Variants in LRMDA observed in about 807,000 individuals in gnomAD.
LRMDA encodes the protein leucine-rich melanocyte differentiation-associated protein.
Under a neutral mutation model 29.8 loss-of-function variants are expected in LRMDA, and 18 were observed. That is an observed-to-expected ratio of 0.60 (90% confidence interval 0.42 to 0.90). LRMDA has a LOEUF of 0.90. Ranked by LOEUF, LRMDA falls within the 40% of genes least tolerant of loss-of-function variation. LRMDA has a pLI of 0.00. For synonymous variants in LRMDA, 125 were observed against 109.4 expected (o/e 1.14, Z -0.89); for missense variants, 273 against 273.9 (o/e 1.00, Z 0.02).
intron 5 of LRMDA, among the ~76,000 whole-genome samples, chr10:76,115,890 C>A (rs1449836574): frequency 6.6e-6 from 1 of 152,088 alleles, no homozygotes; most frequent in Non-Finnish European, 1.5e-5. Flanking sequence ...GGCGACCTTT[C>A]TCTGATCCAA....
At position 76,272,864 on chromosome 10, in the gene LRMDA, T is replaced by C. The variant is rs117734359; in HGVS notation, c.517-51537T>C. 4.9e-4 allele frequency among the ~76,000 whole-genome samples: 74 copies of C among 152,186 alleles called. No individual in the cohort carries two copies. The East Asian group carries it at 9.3e-3, about 19-fold the overall frequency. On this transcript the variant is annotated intron_variant, in intron 5 of 6. Transcript: ENST00000611255. ...GCAAAGGGGGAACTGCCAAAAACTT[T>C]TAAATCCATCAACTCTTACGAGAAC... is the stretch of plus-strand genomic sequence containing the variant.
At chr10:76,063,484 T>C (rs1385435775) in intron 5 of LRMDA, among the ~76,000 whole-genome samples, 1 of 152,136 alleles carries the variant, frequency 6.6e-6, no homozygotes, top group African/African-American at 2.4e-5. Context: ...TCGTGTAGTT[T>C]GTGTATTTGT....
intron 2 of LRMDA, among the ~76,000 whole-genome samples, chr10:75,999,291 G>A (rs963900774): frequency 6.6e-6 from 1 of 152,214 alleles, no homozygotes; most frequent in Non-Finnish European, 1.5e-5. Flanking sequence ...TCCAGAATTA[G>A]TAGTAGAGAA....
At chr10:75,492,333 C>A (rs371699539) in intron 2 of LRMDA, among the ~76,000 whole-genome samples, 5 of 152,240 alleles carry the variant, frequency 3.3e-5, no homozygotes, top group African/African-American at 1.2e-4. Context: ...TCTGACCCCA[C>A]CTCTTGGCCT....
intron 6 of LRMDA, among the ~76,000 whole-genome samples, chr10:76,552,450 G>A (rs1319386619): frequency 2.0e-5 from 3 of 152,230 alleles, no homozygotes; most frequent in Non-Finnish European, 2.9e-5. Flanking sequence ...GGCTGGATGG[G>A]TTTCAAGGGC....
chr10:75,634,806 T>C (rs1425359326), intron 2 of LRMDA, among the ~76,000 whole-genome samples: 1 of 151,836 alleles, frequency 6.6e-6, no homozygotes, highest in Non-Finnish European at 1.5e-5. Flanking sequence ...CAAACAAAAA[T>C]GGAGGGGAGG....
In LRMDA at chr10:76,032,227, A is replaced by G. The variant is rs1848161275; in HGVS notation, c.132-3781A>G. On this transcript the variant is annotated intron_variant, in intron 2 of 6. Transcript: ENST00000611255. Reference sequence around the variant, plus strand: ...GAAGGTCACTGATTTGTGCCCACCCAGGAGCAGAAGGGACTGGGCCTCAAG... The same window carrying G: ...GAAGGTCACTGATTTGTGCCCACCCGGGAGCAGAAGGGACTGGGCCTCAAG... 2.0e-5 allele frequency among the ~76,000 whole-genome samples: 3 copies of G among 152,180 alleles called. No individual in the cohort carries two copies. In the South Asian group the frequency reaches 6.2e-4, roughly 31 times the overall value.
chr10:76,090,663 G>A (rs1177447166), intron 5 of LRMDA, among the ~76,000 whole-genome samples: 1 of 152,178 alleles, frequency 6.6e-6, no homozygotes, highest in East Asian at 1.9e-4. Context: ...ACAACATGTG[G>A]TCAGTATATT....
intron 2 of LRMDA, among the ~76,000 whole-genome samples, chr10:75,678,816 A>G (rs1313036356): frequency 6.6e-6 from 1 of 152,186 alleles, no homozygotes; most frequent in Non-Finnish European, 1.5e-5. Flanking sequence ...GAGTCCAGTC[A>G]AATTTGTCTC....
At chr10:76,302,513 C>T (rs981012192) in intron 5 of LRMDA, among the ~76,000 whole-genome samples, 10 of 151,870 alleles carry the variant, frequency 6.6e-5, no homozygotes, top group African/African-American at 1.5e-4. Context: ...TGGCAGTTCA[C>T]GCTTGGTTTC....
intron 6 of LRMDA, among the ~76,000 whole-genome samples, chr10:76,431,770 CA>C (rs1448575079): frequency 1.3e-5 from 2 of 152,148 alleles, no homozygotes; most frequent in Non-Finnish European, 1.5e-5. Context: ...TGAATTCCCA[CA>C]TGTTGTGGGA....
chr10:76,535,296 G>A (rs1379196482), intron 6 of LRMDA, among the ~76,000 whole-genome samples: 1 of 152,162 alleles, frequency 6.6e-6, no homozygotes, highest in Non-Finnish European at 1.5e-5. Flanking sequence ...TGGAATATAT[G>A]CTCTTGAGGG....
intron 6 of LRMDA, among the ~76,000 whole-genome samples, chr10:76,535,236 TG>T (rs1354598111): frequency 2.6e-5 from 4 of 152,166 alleles, no homozygotes; most frequent in Non-Finnish European, 5.9e-5. Context: ...TATGCATTTT[TG>T]TGAAAGAAGG....
intron 2 of LRMDA, among the ~76,000 whole-genome samples, chr10:75,617,383 T>C (rs1471278939): frequency 3.9e-5 from 6 of 152,336 alleles, no homozygotes; most frequent in Admixed American, 2.0e-4. Context: ...GCAGCTTGTG[T>C]CTCACTCTTA....
chr10:76,315,381 C>T (rs535843608), intron 5 of LRMDA, among the ~76,000 whole-genome samples: 1 of 152,324 alleles, frequency 6.6e-6, no homozygotes, highest in Admixed American at 6.5e-5. Context: ...CATCCCTGTG[C>T]TCTCAGGGGC....
intron 1 of LRMDA, among the ~76,000 whole-genome samples, chr10:75,434,874 G>A (rs1407949850): frequency 6.6e-6 from 1 of 152,260 alleles, no homozygotes; most frequent in Non-Finnish European, 1.5e-5. Flanking sequence ...CTGGGAGCCA[G>A]AGAGTCCCAA....
At chr10:75,585,852 G>A (rs574051814) in intron 2 of LRMDA, among the ~76,000 whole-genome samples, 1 of 152,116 alleles carries the variant, frequency 6.6e-6, no homozygotes, top group East Asian at 1.9e-4. Flanking sequence ...CTCATCCCCT[G>A]GCAACCACTA....
chr10:75,499,111 C>T (rs1053115541), intron 2 of LRMDA, among the ~76,000 whole-genome samples: 1 of 152,136 alleles, frequency 6.6e-6, no homozygotes, highest in East Asian at 1.9e-4. Flanking sequence ...AATCTAGACA[C>T]CCTCTGAAAT....
chr10:76,032,693 C>G (rs1020789068), intron 2 of LRMDA, among the ~76,000 whole-genome samples: 1 of 152,098 alleles, frequency 6.6e-6, no homozygotes, highest in African/African-American at 2.4e-5. Flanking sequence ...AGGCAGGCAG[C>G]CTGCAGGGAG....
Sources: gnomAD v4.1 joint callset for allele counts (sites outside exome capture counted in the v4.1 genomes callset) on GRCh38, gnomAD v4.1.1 for gene constraint, MANE v1.5 for transcripts, NCBI Gene and HGNC (gene_info 2026-07-23, HGNC 2026-07-21) for gene names.